PHLDB2: variants seen among roughly 807,000 people sequenced by gnomAD.
The protein encoded by PHLDB2 is pleckstrin homology-like domain family B member 2.
In PHLDB2, 71 loss-of-function variants were observed where a neutral mutation model predicts 123.6. That is an observed-to-expected ratio of 0.57 (90% CI 0.47 to 0.70). The LOEUF (loss-of-function observed/expected upper bound fraction) is 0.70, where lower values mean the gene tolerates loss of function less well. PHLDB2 is among the 30% of genes least tolerant of loss of function. PHLDB2 has a pLI of 0.00. For synonymous variants in PHLDB2, 547 were observed against 541.6 expected, an observed-to-expected ratio of 1.01 and a Z score of -0.14; for missense variants, 1,446 against 1,519.5, an observed-to-expected ratio of 0.95 and a Z score of 0.80.
chr3:111,955,144 G>GATAT (rs1553754364), intron 12 of PHLDB2, among the ~76,000 whole-genome samples: 17,545 of 145,048 alleles, frequency 0.12, 3,030 homozygotes, highest in African/African-American at 0.39. Flanking sequence ...ATGTATATAT[G>GATAT]ATATATATAT....
At chr3:111,961,603 T>G (rs756048907) in intron 12 of PHLDB2, among the ~76,000 whole-genome samples, 13 of 152,184 alleles carry the variant, frequency 8.5e-5, no homozygotes, top group Non-Finnish European at 1.6e-4. Flanking sequence ...ATTAAAAGTG[T>G]CAGTGATGAT....
At chr3:111,766,106 G>T (rs2060075843) in intron 1 of PHLDB2, among the ~76,000 whole-genome samples, 1 of 152,120 alleles carries the variant, frequency 6.6e-6, no homozygotes, top group African/African-American at 2.4e-5. Flanking sequence ...AAATCATGAA[G>T]CAGTAATTTT....
chr3:111,780,399 A>AGAAGAAGAAGAAGAAGCAGAAGAAG (rs1553726797), intron 1 of PHLDB2, among the ~76,000 whole-genome samples: 2 of 74,364 alleles, frequency 2.7e-5, no homozygotes, highest in East Asian at 8.7e-4. Flanking sequence ...AAGAAGAAGA[A>AGAAGAAGAAGAAGAAGCAGAAGAAG]GAAGAAGAAG....
chr3:111,756,992 C>T (rs1251838707), intron 1 of PHLDB2, among the ~76,000 whole-genome samples: 1 of 152,212 alleles, frequency 6.6e-6, no homozygotes, highest in East Asian at 1.9e-4. Context: ...TCTCTTCTGG[C>T]TTGTAGAGTT....
chr3:111,857,048 G>A (rs2064542536), upstream of PHLDB2, among the ~76,000 whole-genome samples: 1 of 152,096 alleles, frequency 6.6e-6, no homozygotes, highest in South Asian at 2.1e-4. Context: ...CTTGGGAGGA[G>A]GGAATTATAG....
chr3:111,885,562 C>A (rs2066117898), intron 2 of PHLDB2, 150 bp downstream of exon 2: 2 of 1,003,928 alleles, frequency 2.0e-6, no homozygotes, highest in East Asian at 2.5e-5. Flanking sequence ...CTCCTGCTAT[C>A]CTTCTTCTTC....
Position 111,913,672 on chromosome 3 carries a change from C to T in PHLDB2, c.1689C>T (p.Ser563=), listed in dbSNP as rs1367939776. Residue 563 remains serine, a synonymous_variant, in exon 3 of 18, where the codon AGC becomes AGT. Coordinates refer to ENST00000431670, the MANE Select transcript of PHLDB2 (RefSeq NM_001134438.2). ...CCTCCACCTTTCCGAAAGCTTCCAG[C>T]GAGTCCTCTTATCTAAGTATCCTAC... The part of the protein sequence containing the change: ...PPSSTFPKAS[S]ESSYLSILPK... 9.9e-6 allele frequency: 16 copies of T among 1,613,106 alleles called. No individual in the cohort carries two copies. Among genetic ancestry groups the T allele is most frequent in the East Asian group, 2.2e-5 (1 of 44,892 alleles).
chr3:111,766,982 G>T (rs1425324321), intron 1 of PHLDB2, among the ~76,000 whole-genome samples: 1 of 141,002 alleles, frequency 7.1e-6, no homozygotes, highest in Non-Finnish European at 1.5e-5. Flanking sequence ...AGTGAGCCGA[G>T]ATTGTGCCAT....
intron 1 of PHLDB2, among the ~76,000 whole-genome samples, chr3:111,834,209 G>GTATA (rs2063258051): frequency 1.0e-4 from 3 of 29,630 alleles, no homozygotes; most frequent in East Asian, 7.4e-4. Flanking sequence ...AATTATATAT[G>GTATA]TAATAGAATT....
rs867524428 is a variant in PHLDB2 at position 111,785,291 on chromosome 3, A to G, written c.-49+52588A>G. On this transcript the variant is annotated intron_variant, in intron 1 of 17. Coordinates refer to the PHLDB2 transcript ENST00000393923. The stretch of plus-strand genomic sequence containing the variant: ...TATTAGTCTATTTCAGTTGATTCTC[A>G]AGGGCTCTTGAGATATTAAGTCTGT... 2.0e-5 allele frequency among the ~76,000 whole-genome samples: 3 copies of G among 152,192 alleles called. No individual in the cohort carries two copies. In the Middle Eastern group the frequency reaches 0.01, roughly 518 times the overall value.
At chr3:111,759,536 G>C (rs2059958651) in intron 1 of PHLDB2, among the ~76,000 whole-genome samples, 1 of 152,154 alleles carries the variant, frequency 6.6e-6, no homozygotes, top group Non-Finnish European at 1.5e-5. Flanking sequence ...ACACACATAT[G>C]TATGTATGTA....
intron 1 of PHLDB2, among the ~76,000 whole-genome samples, chr3:111,780,399 A>AGAAGAAGAAGAAGAAGAAGAGGAAGAAG (rs1553726797): frequency 1.3e-5 from 1 of 74,364 alleles, no homozygotes; most frequent in East Asian, 4.3e-4. Flanking sequence ...AAGAAGAAGA[A>AGAAGAAGAAGAAGAAGAAGAGGAAGAAG]GAAGAAGAAG....
chr3:111,940,493 T>C (rs2069800931), intron 7 of PHLDB2, 42 bp from the exon 8 acceptor site: 2 of 1,159,086 alleles, frequency 1.7e-6, no homozygotes. Flanking sequence ...AACCTTTGAG[T>C]GTCTAATGTA....
At chr3:111,826,656 T>C (rs192605884) in intron 1 of PHLDB2, among the ~76,000 whole-genome samples, 1 of 152,298 alleles carries the variant, frequency 6.6e-6, no homozygotes, top group East Asian at 1.9e-4. Flanking sequence ...AGGAAATCCT[T>C]AATACCCAAC....
chr3:111,878,506 A>G (rs2065769407), intron 1 of PHLDB2, among the ~76,000 whole-genome samples: 1 of 152,224 alleles, frequency 6.6e-6, no homozygotes, highest in South Asian at 2.1e-4. Context: ...AAACAGAGAC[A>G]ATTGACTTCC....
At chr3:111,951,691 A>G (rs1202743346) in intron 10 of PHLDB2, among the ~76,000 whole-genome samples, 2 of 152,106 alleles carry the variant, frequency 1.3e-5, no homozygotes, top group African/African-American at 2.4e-5. Context: ...ATTATCCTCT[A>G]TTCTTATCTA....
At chr3:111,831,017 G>GAA in intron 1 of PHLDB2, among the ~76,000 whole-genome samples, 1 of 109,818 alleles carries the variant, frequency 9.1e-6, no homozygotes, top group East Asian at 2.7e-4. Context: ...AAGAAAGAAA[G>GAA]AAAGAAAGAA....
chr3:111,867,016 T>C (rs553884501), intron 1 of PHLDB2, among the ~76,000 whole-genome samples: 23 of 150,782 alleles, frequency 1.5e-4, no homozygotes, highest in African/African-American at 5.6e-4. Flanking sequence ...ATATGGAGGG[T>C]TTGACAGTTT....
chr3:111,913,824 T>G, intron 3 of PHLDB2, 122 bp downstream of exon 3: 1 of 1,317,350 alleles, frequency 7.6e-7, no homozygotes, highest in Non-Finnish European at 1.0e-6. Context: ...AATTTCAATT[T>G]AAGAGGTCAT....
Sources: allele counts gnomAD v4.1 joint callset (sites outside exome capture counted in the v4.1 genomes callset), GRCh38; gene constraint gnomAD v4.1.1; transcripts MANE v1.5; gene names NCBI Gene and HGNC (gene_info 2026-07-23, HGNC 2026-07-21).